Variants in KATNIP observed in about 807,000 individuals in gnomAD.
KATNIP encodes the protein katanin interacting protein.
A neutral mutation model predicts 174.0 loss-of-function variants in KATNIP; 126 were observed. The observed-to-expected ratio is 0.72, with a 90% CI of 0.63 to 0.84. The LOEUF is 0.84. KATNIP is among the 40% of genes least tolerant of loss of function. KATNIP has a pLI of 0.00. For synonymous variants in KATNIP, 810 were observed against 835.7 expected (o/e 0.97, Z 0.53); for missense variants, 1,958 against 2,109.7 (o/e 0.93, Z 1.41).
chr16:27,721,266 T>C (rs1325320174), intron 13 of KATNIP, among the ~76,000 whole-genome samples: 1 of 152,196 alleles, frequency 6.6e-6, no homozygotes, highest in Non-Finnish European at 1.5e-5. Flanking sequence ...ATTAAGTTGA[T>C]GAAAATAAAG....
At chr16:27,686,648 TTA>T (rs2078536707) in intron 8 of KATNIP, among the ~76,000 whole-genome samples, 1 of 152,146 alleles carries the variant, frequency 6.6e-6, no homozygotes. Flanking sequence ...TTTTCCTGTT[TTA>T]TGTTTCTCTT....
chr16:27,746,982 T>C (rs1311113900), intron 15 of KATNIP, among the ~76,000 whole-genome samples: 1 of 152,196 alleles, frequency 6.6e-6, no homozygotes, highest in Non-Finnish European at 1.5e-5. Flanking sequence ...GTCTGGACCT[T>C]CCAAGAGGTC....
rs1315212855 is a variant in KATNIP at position 27,740,720 on chromosome 16, T to C, written c.2423T>C (p.Leu808Pro). The change falls in exon 15 of 28, where the codon CTA becomes CCA. Residue 808 changes from leucine to proline, a missense_variant. Physicochemically the swap from Leu to Pro is moderately conservative, Grantham distance 98. This residue lies in a region of KATNIP where 1,557 missense variants were observed against 1,617.8 expected (regional missense o/e 0.96). Transcript: ENST00000261588. ...GAGACCGAGGCCAGGGATAAAGGCC[T>C]ACGGCATGAGCCAGGGTGGGGGACC... Reference protein sequence around the residue: ...PGETEARDKGLRHEPGWGTSR... With the variant: ...PGETEARDKGPRHEPGWGTSR... 3 of 1,614,176 alleles carry C rather than the reference T, an allele frequency of 1.9e-6. No homozygotes were observed.
rs544315159 is a variant in KATNIP at position 27,775,670 on chromosome 16, G to C, written c.4449+586G>C. 2.2e-4 allele frequency among the ~76,000 whole-genome samples: 33 copies of C among 152,304 alleles called. 1 individual carries two copies. Among genetic ancestry groups the C allele is most frequent in the African/African-American group, 7.7e-4 (32 of 41,574 alleles). ...CGTGGTTGGTTGTGGTGGAGAGGAA[G>C]GGGAGAGGGCATGGACGGGGTGGTC... On this transcript the variant is annotated intron_variant, in intron 24 of 27. Transcript: ENST00000261588.
intron 2 of KATNIP, among the ~76,000 whole-genome samples, chr16:27,606,180 T>C (rs1261891790): frequency 1.3e-5 from 2 of 152,058 alleles, no homozygotes; most frequent in African/African-American, 2.4e-5. Context: ...ATTTAACTCA[T>C]GTGCACTGAG....
At chr16:27,627,427 G>C (rs2076366781) in intron 3 of KATNIP, among the ~76,000 whole-genome samples, 1 of 152,180 alleles carries the variant, frequency 6.6e-6, no homozygotes, top group Admixed American at 6.5e-5. Flanking sequence ...AGTGCTTTTG[G>C]CTGTGAGTTT....
chr16:27,773,641 C>T (rs1226469506), intron 23 of KATNIP, among the ~76,000 whole-genome samples: 1 of 152,148 alleles, frequency 6.6e-6, no homozygotes, highest in South Asian at 2.1e-4. Context: ...ACTGTTAGCC[C>T]AGTGCATTTT....
intron 16 of KATNIP, among the ~76,000 whole-genome samples, 200 bp from the exon 17 acceptor site, chr16:27,751,519 C>A (rs1302174591): frequency 6.6e-6 from 1 of 152,160 alleles, no homozygotes; most frequent in Non-Finnish European, 1.5e-5. Context: ...AAATTAGATC[C>A]CTTCCTTAGA....
At chr16:27,678,108 G>A (rs979868043) in intron 7 of KATNIP, 112 bp downstream of exon 7, 87 of 1,211,284 alleles carry the variant, frequency 7.2e-5, no homozygotes, top group Non-Finnish European at 2.0e-5. Context: ...GTGTCTCACA[G>A]GCCAGGGAGG....
chr16:27,602,512 C>T (rs1243979814), intron 2 of KATNIP, among the ~76,000 whole-genome samples: 1 of 152,220 alleles, frequency 6.6e-6, no homozygotes, highest in Admixed American at 6.5e-5. Flanking sequence ...TATCCCAATA[C>T]CTTGTAACTG....
chr16:27,672,981 G>T (rs973843233), intron 6 of KATNIP, among the ~76,000 whole-genome samples: 6 of 152,306 alleles, frequency 3.9e-5, no homozygotes, highest in Admixed American at 3.3e-4. Context: ...CCTGGACAGT[G>T]ACAGCAGTCT....
rs1224751691 is a variant in KATNIP at position 27,708,782 on chromosome 16, C to G, written c.1467C>G (p.Asn489Lys). 2.5e-6 allele frequency: 4 copies of G among 1,613,764 alleles called. No individual in the cohort carries two copies. The highest frequency in any genetic ancestry group is 3.4e-6 in the Non-Finnish European group (4 of 1,180,014). The change falls in exon 13 of 28, where the codon AAC becomes AAG. Residue 489 changes from asparagine (N) to lysine (K), a missense_variant. Physicochemically the swap from Asn to Lys is moderately conservative, Grantham distance 94 (BLOSUM62 0). This residue lies in a region of KATNIP where 1,557 missense variants were observed against 1,617.8 expected (regional missense o/e 0.96). Transcript: ENST00000261588. ...VTMEILSNWG[N>K]SWWVGLTEVE... ...TGGAGATCCTGTCCAACTGGGGCAA[C>G]TCGTGGTGGGTGGGTCTCACAGAAG... is the stretch of plus-strand genomic sequence containing the variant.
chr16:27,563,979 C>G (rs185336301), intron 1 of KATNIP, among the ~76,000 whole-genome samples: 2 of 146,040 alleles, frequency 1.4e-5, no homozygotes, highest in East Asian at 4.4e-4. Flanking sequence ...AGGAGGATCA[C>G]TTGAGCCCAG....
intron 2 of KATNIP, among the ~76,000 whole-genome samples, chr16:27,577,444 C>A (rs934535469): frequency 1.3e-5 from 2 of 152,166 alleles, no homozygotes; most frequent in African/African-American, 4.8e-5. Context: ...GTAATCCCAG[C>A]ACTTTGGGAG....
chr16:27,620,977 T>G (rs2076177447), intron 3 of KATNIP, among the ~76,000 whole-genome samples: 1 of 152,168 alleles, frequency 6.6e-6, no homozygotes, highest in African/African-American at 2.4e-5. Flanking sequence ...CTTAAGCAGC[T>G]AGGAAACACT....
intron 19 of KATNIP, among the ~76,000 whole-genome samples, chr16:27,765,998 T>C (rs1260508756): frequency 6.6e-6 from 1 of 151,970 alleles, no homozygotes; most frequent in South Asian, 2.1e-4. Flanking sequence ...ATGGGATCAC[T>C]GGGCTAAAGG....
At chr16:27,550,959 A>G (rs753214167) in intron 1 of KATNIP, among the ~76,000 whole-genome samples, 6 of 152,178 alleles carry the variant, frequency 3.9e-5, no homozygotes, top group Non-Finnish European at 7.3e-5. Context: ...TTGAGGCTGT[A>G]ACTGAAAATC....
chr16:27,568,074 T>A (rs1042527350), intron 1 of KATNIP, among the ~76,000 whole-genome samples: 1 of 152,254 alleles, frequency 6.6e-6, no homozygotes, highest in Non-Finnish European at 1.5e-5. Context: ...AGAACCAATA[T>A]GAGTATATAT....
chr16:27,706,227 C>T (rs1364834640), intron 12 of KATNIP, among the ~76,000 whole-genome samples: 1 of 152,156 alleles, frequency 6.6e-6, no homozygotes, highest in Admixed American at 6.5e-5. Context: ...TTCTACCTTG[C>T]ACCCCTGTAT....
Sources: allele counts gnomAD v4.1 joint callset (sites outside exome capture counted in the v4.1 genomes callset), GRCh38; gene constraint gnomAD v4.1.1; regional missense constraint gnomAD v4.1.1; transcripts MANE v1.5; gene names NCBI Gene and HGNC (gene_info 2026-07-23, HGNC 2026-07-21).